Variants in CDH13 observed in about 807,000 individuals in gnomAD.
The protein encoded by CDH13 is cadherin 13, also known as cadherin-13.
Under a neutral mutation model 63.8 loss-of-function variants are expected in CDH13, and 24 were observed. The observed-to-expected ratio is 0.38, with a 90% confidence interval of 0.27 to 0.53. CDH13 has a LOEUF of 0.53. CDH13 is among the 20% of genes least tolerant of loss of function. The pLI, the probability that CDH13 is intolerant of heterozygous loss-of-function variation, is 0.85. For synonymous variants in CDH13, 503 were observed against 355.3 expected (o/e 1.42, Z -4.67); for missense variants, 1,049 against 903.1 (o/e 1.16, Z -2.07).
intron 1 of CDH13, among the ~76,000 whole-genome samples, chr16:82,648,971 T>C (rs571691156): frequency 3.9e-5 from 6 of 152,228 alleles, no homozygotes; most frequent in South Asian, 2.1e-4. Context: ...CAATTTTAGA[T>C]GGTTGATCAT....
chr16:82,696,736 A>G (rs1376335229), intron 1 of CDH13, among the ~76,000 whole-genome samples: 2 of 152,184 alleles, frequency 1.3e-5, no homozygotes, highest in African/African-American at 4.8e-5. Context: ...CTATTGTTGC[A>G]TTAGAAATTT....
intron 7 of CDH13, among the ~76,000 whole-genome samples, chr16:83,560,561 T>A (rs2075685065): frequency 1.3e-5 from 2 of 152,294 alleles, no homozygotes; most frequent in South Asian, 4.1e-4. Context: ...AAAGTTTCAT[T>A]TATACAAGAT....
At chr16:82,742,225 C>A (rs574321440) in intron 1 of CDH13, among the ~76,000 whole-genome samples, 2 of 152,038 alleles carry the variant, frequency 1.3e-5, no homozygotes, top group African/African-American at 4.8e-5. Flanking sequence ...ATCCCATGTA[C>A]GCCAAAAACT....
intron 7 of CDH13, among the ~76,000 whole-genome samples, chr16:83,544,194 G>C (rs893358496): frequency 6.6e-6 from 1 of 152,200 alleles, no homozygotes; most frequent in Non-Finnish European, 1.5e-5. Flanking sequence ...CAGAAGAGGA[G>C]TCTCCAGCAC....
chr16:82,909,891 G>A (rs571488475), intron 2 of CDH13, among the ~76,000 whole-genome samples: 3 of 152,198 alleles, frequency 2.0e-5, no homozygotes, highest in Non-Finnish European at 4.4e-5. Context: ...CACATGTGGT[G>A]GACATTTTTC....
At position 83,021,074 on chromosome 16, in the gene CDH13, G is replaced by A. The variant is rs115087771; in HGVS notation, c.158-10936G>A. On this transcript the variant is annotated intron_variant, in intron 2 of 13. Transcript: ENST00000567109. ...GTGCCAGTCATGAAAATACCAAGAA[G>A]GGATCTCTGTAAATCCGAGATTTGG... is the stretch of plus-strand genomic sequence containing the variant. Among the ~76,000 whole-genome samples, 1,331 of 152,220 alleles carry A rather than the reference G, an allele frequency of 8.7e-3. 25 individuals are homozygous for A. Among genetic ancestry groups the A allele is most frequent in the African/African-American group, 0.031 (1,270 of 41,530 alleles).
chr16:82,934,422 C>A (rs565057969), intron 2 of CDH13, among the ~76,000 whole-genome samples: 1 of 152,270 alleles, frequency 6.6e-6, no homozygotes, highest in African/African-American at 2.4e-5. Context: ...CCCACAAAAC[C>A]ATTTTTTCCA....
At chr16:82,915,212 C>A (rs1278805876) in intron 2 of CDH13, among the ~76,000 whole-genome samples, 3 of 152,132 alleles carry the variant, frequency 2.0e-5, no homozygotes, top group African/African-American at 7.2e-5. Context: ...TTCAATTGTC[C>A]TTTTTATGGT....
At chr16:83,026,652 C>G (rs1419336527) in intron 2 of CDH13, among the ~76,000 whole-genome samples, 1 of 151,724 alleles carries the variant, frequency 6.6e-6, no homozygotes, top group Admixed American at 6.6e-5. Context: ...ATGAAAAAAA[C>G]AAAAGTTAAG....
At position 82,728,207 on chromosome 16, in the gene CDH13, G is replaced by A. The variant is rs150386962; in HGVS notation, c.45+101070G>A. On this transcript the variant is annotated intron_variant, in intron 1 of 13. Coordinates refer to ENST00000567109, the MANE Select transcript of CDH13 (RefSeq NM_001257.5). ...TAAAAACATTTGATAATATGGGCTG[G>A]GAGGGATCACACTGCTTCTCAGATG... Among the ~76,000 whole-genome samples, 8 of 152,234 alleles carry A rather than the reference G, an allele frequency of 5.3e-5. No homozygotes were observed. In the East Asian group the frequency reaches 1.5e-3, roughly 29 times the overall value.
intron 7 of CDH13, 120 bp downstream of exon 7, chr16:83,486,775 T>A: frequency 1.2e-6 from 1 of 850,102 alleles, no homozygotes; most frequent in East Asian, 2.6e-5. Flanking sequence ...AAATGAGGTG[T>A]TTACCATGTT....
At chr16:83,361,497 A>G (rs541848536) in intron 6 of CDH13, among the ~76,000 whole-genome samples, 1 of 152,276 alleles carries the variant, frequency 6.6e-6, no homozygotes, top group African/African-American at 2.4e-5. Context: ...GCCATAAATT[A>G]TTTCCCAAGG....
chr16:83,014,762 A>ATG (rs1567745626), intron 2 of CDH13, among the ~76,000 whole-genome samples: 19 of 54,196 alleles, frequency 3.5e-4, no homozygotes, highest in Non-Finnish European at 4.8e-4. Flanking sequence ...ATATATATAT[A>ATG]TATATATATA....
At chr16:83,095,218 G>A (rs975274506) in intron 3 of CDH13, among the ~76,000 whole-genome samples, 4 of 152,182 alleles carry the variant, frequency 2.6e-5, no homozygotes, top group Admixed American at 1.3e-4. Context: ...GGAAGAAATA[G>A]TAAAAATCAT....
intron 7 of CDH13, among the ~76,000 whole-genome samples, chr16:83,527,309 C>A (rs1325554722): frequency 1.3e-5 from 2 of 151,798 alleles, no homozygotes; most frequent in African/African-American, 4.8e-5. Flanking sequence ...ATTAGCTGGG[C>A]ATGGTGGCAG....
At chr16:82,958,813 C>T (rs571832218) in intron 2 of CDH13, among the ~76,000 whole-genome samples, 7 of 152,256 alleles carry the variant, frequency 4.6e-5, no homozygotes, top group Admixed American at 1.3e-4. Context: ...ATGCGATGCA[C>T]GCCCTGCCCA....
intron 7 of CDH13, among the ~76,000 whole-genome samples, chr16:83,502,484 C>G (rs904720967): frequency 6.6e-6 from 1 of 152,084 alleles, no homozygotes; most frequent in Non-Finnish European, 1.5e-5. Flanking sequence ...GGACTCCTGT[C>G]CTGAAGTGTA....
chr16:83,797,739 A>G lies in CDH13; in HGVS notation c.*2709A>G, dbSNP rs949277699. The G allele has an allele frequency of 2.6e-5, 4 of 152,212 alleles. No individual in the cohort carries two copies. Among genetic ancestry groups the G allele is most frequent in the Non-Finnish European group, 4.4e-5 (3 of 68,044 alleles). 9.4% of individuals were successfully genotyped at this position (152,212 alleles called of 1,614,324 possible). ...TAAGGACCAGAAATTGCTTTTCCCA[A>G]TTACTGAGCACAGGTCTGAGGGTTT... On this transcript the variant is annotated 3_prime_UTR_variant, in exon 14 of 14. Coordinates refer to ENST00000567109, the MANE Select transcript of CDH13 (RefSeq NM_001257.5).
At chr16:83,309,790 T>C (rs942752905) in intron 5 of CDH13, among the ~76,000 whole-genome samples, 1 of 152,120 alleles carries the variant, frequency 6.6e-6, no homozygotes, top group Non-Finnish European at 1.5e-5. Flanking sequence ...GACTTTTCGC[T>C]TGCTATAACT....
Sources: gnomAD v4.1 joint callset for allele counts (sites outside exome capture counted in the v4.1 genomes callset) on GRCh38, gnomAD v4.1.1 for gene constraint, MANE v1.5 for transcripts, NCBI Gene and HGNC (gene_info 2026-07-23, HGNC 2026-07-21) for gene names.